The following PCNX2 variants were observed in gnomAD, a reference collection of about 807,000 sequenced individuals.
PCNX2 encodes pecanex-like protein 2.
In PCNX2, 168 loss-of-function variants were observed where a neutral mutation model predicts 223.8. The ratio of observed to expected loss-of-function variants is 0.75; its 90% CI spans 0.66 to 0.85. PCNX2 has a LOEUF of 0.85. Among genes scored for constraint, PCNX2 ranks in the 40% least tolerant of loss-of-function variants. The probability of loss-of-function intolerance (pLI) is 0.00; values close to 1 mark genes in which losing one functional copy is unlikely to be tolerated. For missense variants in PCNX2, 2,507 were observed against 2,675.5 expected (o/e 0.94, Z 1.39); for synonymous variants, 1,006 against 1,052.6 (o/e 0.96, Z 0.86).
chr1:233,036,396 C>A (rs1017003273), intron 25 of PCNX2, among the ~76,000 whole-genome samples: 26 of 152,130 alleles, frequency 1.7e-4, no homozygotes, highest in Admixed American at 9.2e-4. Flanking sequence ...TTTGGGAGGC[C>A]GAGGGGGTGG....
chr1:233,086,929 G>C (rs1572089612), intron 23 of PCNX2: 1 of 756,780 alleles, frequency 1.3e-6, no homozygotes, highest in South Asian at 5.9e-5. Context: ...CTGTGTTTTA[G>C]GACAGCTATC....
intron 23 of PCNX2, among the ~76,000 whole-genome samples, chr1:233,061,397 C>G (rs76414101): frequency 6.6e-6 from 1 of 152,180 alleles, no homozygotes; most frequent in African/African-American, 2.4e-5. Flanking sequence ...GCTGTCACCA[C>G]GCAGCTCAGA....
intron 15 of PCNX2, among the ~76,000 whole-genome samples, chr1:233,188,233 G>C (rs542542440): frequency 6.6e-6 from 1 of 152,208 alleles, no homozygotes; most frequent in African/African-American, 2.4e-5. Flanking sequence ...CATGCTCACT[G>C]GTGGTAGGCA....
chr1:233,278,151 G>A (rs914702885), intron 1 of PCNX2, among the ~76,000 whole-genome samples: 1 of 152,012 alleles, frequency 6.6e-6, no homozygotes, highest in Non-Finnish European at 1.5e-5. Flanking sequence ...TCTACTCTTT[G>A]TGTGCACACA....
intron 25 of PCNX2, chr1:233,047,289 C>T: frequency 1.3e-6 from 1 of 789,394 alleles, no homozygotes; most frequent in Non-Finnish European, 1.5e-6. Context: ...AAGATGAGAC[C>T]AGAACATTTA....
chr1:233,076,359 G>T (rs1673098023), intron 23 of PCNX2, among the ~76,000 whole-genome samples: 1 of 152,182 alleles, frequency 6.6e-6, no homozygotes, highest in Non-Finnish European at 1.5e-5. Context: ...ATAGCAAAAA[G>T]AAACTATGAT....
intron 19 of PCNX2, among the ~76,000 whole-genome samples, chr1:233,148,253 T>C (rs897193249): frequency 3.3e-5 from 5 of 152,104 alleles, no homozygotes; most frequent in Admixed American, 6.5e-5. Context: ...TGGTGGGTGT[T>C]GAGTACAACA....
chr1:233,167,257 T>A (rs1235317542), intron 17 of PCNX2, among the ~76,000 whole-genome samples: 1 of 152,146 alleles, frequency 6.6e-6, no homozygotes, highest in Non-Finnish European at 1.5e-5. Flanking sequence ...TGGATGAACC[T>A]GGAGCACATT....
intron 8 of PCNX2, among the ~76,000 whole-genome samples, chr1:233,246,744 C>T (rs1298304220): frequency 6.6e-6 from 1 of 152,160 alleles, no homozygotes; most frequent in Non-Finnish European, 1.5e-5. Flanking sequence ...ACTGGCTCTG[C>T]TCTGGTTCCA....
At position 233,054,507 on chromosome 1, in the gene PCNX2, T is replaced by C. The variant is rs1430872944; in HGVS notation, c.4136-24A>G. On this transcript the variant is annotated intron_variant, in intron 24 of 33. Coordinates refer to ENST00000258229, the MANE Select transcript of PCNX2 (RefSeq NM_014801.4). ...CCCTAAAGGCAGACAAGAAATATGA[T>C]CAGTGAATGCCTACTCCTTGCTGTG... is the stretch of plus-strand genomic sequence containing the variant. 1.9e-6 allele frequency: 3 copies of C among 1,565,696 alleles called. No homozygotes were observed. The African/African-American group carries it at 4.1e-5, about 21-fold the overall frequency.
At chr1:233,314,069 G>A in the PCNX2 span, among the ~76,000 whole-genome samples, 1 of 152,168 alleles carries the variant, frequency 6.6e-6, no homozygotes, top group Non-Finnish European at 1.5e-5. Flanking sequence ...TTTGCTGCAG[G>A]GCTGTATGTG....
At chr1:233,112,929 GT>G (rs971491504) in intron 21 of PCNX2, 7 of 1,289,382 alleles carry the variant, frequency 5.4e-6, no homozygotes, top group African/African-American at 1.5e-5. Flanking sequence ...CATGGTTTGA[GT>G]TAAGGGAAAT....
At chr1:233,270,987 G>C (rs567060858) in intron 1 of PCNX2, among the ~76,000 whole-genome samples, 3 of 152,294 alleles carry the variant, frequency 2.0e-5, no homozygotes, top group Non-Finnish European at 4.4e-5. Flanking sequence ...AGAGAATATT[G>C]AATGGATAAC....
chr1:233,302,577 ATTTG>A, the PCNX2 span, among the ~76,000 whole-genome samples: 1 of 149,870 alleles, frequency 6.7e-6, no homozygotes, highest in African/African-American at 2.5e-5. Flanking sequence ...TCTCAGCCTT[ATTTG>A]TTTTACTTTT....
chr1:233,156,786 C>T (rs1435008820), intron 19 of PCNX2, among the ~76,000 whole-genome samples: 5 of 151,970 alleles, frequency 3.3e-5, no homozygotes, highest in African/African-American at 4.8e-5. Flanking sequence ...GGTGTGGTGG[C>T]GGGCACCTGT....
At chr1:233,270,756 G>C (rs984111717) in intron 1 of PCNX2, among the ~76,000 whole-genome samples, 1 of 152,070 alleles carries the variant, frequency 6.6e-6, no homozygotes, top group Non-Finnish European at 1.5e-5. Flanking sequence ...CTCTTTCTTA[G>C]TGTGCAGTTT....
chr1:233,057,419 G>A (rs1315823114), intron 23 of PCNX2, 129 bp from the exon 24 acceptor site: 7 of 717,218 alleles, frequency 9.8e-6, no homozygotes, highest in South Asian at 5.0e-5. Flanking sequence ...GACGATTGCT[G>A]TAGTTTTACC....
intron 21 of PCNX2, among the ~76,000 whole-genome samples, chr1:233,112,066 G>A (rs1222518000): frequency 2.0e-5 from 3 of 152,160 alleles, no homozygotes; most frequent in Non-Finnish European, 4.4e-5. Context: ...AACTATCTCA[G>A]TCTCATTCAT....
intron 1 of PCNX2, among the ~76,000 whole-genome samples, chr1:233,277,176 G>C (rs985888301): frequency 6.6e-6 from 1 of 152,102 alleles, no homozygotes; most frequent in African/African-American, 2.4e-5. Flanking sequence ...GAAAGGAGTG[G>C]GATAAGTCTG....
Sources: allele counts gnomAD v4.1 joint callset (sites outside exome capture counted in the v4.1 genomes callset), GRCh38; gene constraint gnomAD v4.1.1; transcripts MANE v1.5; gene names NCBI Gene and HGNC (gene_info 2026-07-23, HGNC 2026-07-21).